Variants in LHFPL6 observed in about 807,000 individuals in gnomAD.
The protein encoded by LHFPL6 is LHFPL tetraspan subfamily member 6.
LHFPL6 carries 9 observed loss-of-function variants against 20.6 expected under a neutral mutation model. That is an observed-to-expected ratio of 0.44 (90% CI 0.26 to 0.76). LHFPL6 has a LOEUF of 0.76. Among genes scored for constraint, LHFPL6 ranks in the 30% least tolerant of loss-of-function variants. LHFPL6 has a pLI of 0.20. For synonymous variants in LHFPL6, 105 were observed against 98.7 expected, an observed-to-expected ratio of 1.06 and a Z score of -0.38; for missense variants, 218 against 253.5, an observed-to-expected ratio of 0.86 and a Z score of 0.95.
At chr13:39,460,798 G>A (rs756334117) in intron 2 of LHFPL6, among the ~76,000 whole-genome samples, 46 of 152,232 alleles carry the variant, frequency 3.0e-4, no homozygotes, top group Non-Finnish European at 5.4e-4. Context: ...AAAACAAGAC[G>A]TCCTTTCATC....
At chr13:39,553,068 C>G (rs1158067703) in intron 2 of LHFPL6, among the ~76,000 whole-genome samples, 1 of 151,980 alleles carries the variant, frequency 6.6e-6, no homozygotes, top group Non-Finnish European at 1.5e-5. Flanking sequence ...CATCAGGAAC[C>G]CTGCAAAGAG....
At chr13:39,518,102 G>A (rs1314810701) in intron 2 of LHFPL6, among the ~76,000 whole-genome samples, 1 of 152,044 alleles carries the variant, frequency 6.6e-6, no homozygotes, top group Admixed American at 6.6e-5. Context: ...CCCCTGCTTC[G>A]ATGGCTTCCC....
At chr13:39,484,864 T>C (rs1273443791) in intron 2 of LHFPL6, among the ~76,000 whole-genome samples, 2 of 152,148 alleles carry the variant, frequency 1.3e-5, no homozygotes, top group African/African-American at 4.8e-5. Flanking sequence ...CCCCAGAGAT[T>C]TGTGTAGGTG....
intron 2 of LHFPL6, among the ~76,000 whole-genome samples, chr13:39,419,498 A>C (rs2138394623): frequency 6.6e-6 from 1 of 152,240 alleles, no homozygotes; most frequent in East Asian, 1.9e-4. Context: ...CTTTATAACC[A>C]ATAAATGTCT....
intron 2 of LHFPL6, among the ~76,000 whole-genome samples, chr13:39,541,684 T>C (rs1353479381): frequency 6.6e-6 from 1 of 152,208 alleles, no homozygotes; most frequent in Admixed American, 6.5e-5. Context: ...ATGTGTCTAT[T>C]CCATCTCTGA....
At chr13:39,545,739 GCTAC>G (rs1307331618) in intron 2 of LHFPL6, among the ~76,000 whole-genome samples, 9 of 152,044 alleles carry the variant, frequency 5.9e-5, no homozygotes, top group Admixed American at 5.2e-4. Flanking sequence ...TAATGTAAAT[GCTAC>G]CTAAATAGTT....
At chr13:39,582,527 C>T (rs560438174) in intron 2 of LHFPL6, among the ~76,000 whole-genome samples, 3 of 152,298 alleles carry the variant, frequency 2.0e-5, no homozygotes, top group African/African-American at 7.2e-5. Context: ...AATGGGAAGG[C>T]ATTTCACAAT....
intron 2 of LHFPL6, among the ~76,000 whole-genome samples, chr13:39,463,404 A>C (rs1872730885): frequency 2.8e-5 from 4 of 144,604 alleles, no homozygotes; most frequent in Admixed American, 2.6e-4. Context: ...TTTTTATATA[A>C]TTATTAAAAA....
chr13:39,580,512 T>A (rs1375084803), intron 2 of LHFPL6, among the ~76,000 whole-genome samples: 2 of 152,116 alleles, frequency 1.3e-5, no homozygotes, highest in African/African-American at 4.8e-5. Context: ...AGAACCAAAG[T>A]CCTTTCTTTG....
At chr13:39,536,555 T>C (rs890146187) in intron 2 of LHFPL6, among the ~76,000 whole-genome samples, 1 of 152,150 alleles carries the variant, frequency 6.6e-6, no homozygotes, top group African/African-American at 2.4e-5. Context: ...GCTGAGATCT[T>C]TTCAGAACCA....
chr13:39,532,717 T>G (rs998798602), intron 2 of LHFPL6, among the ~76,000 whole-genome samples: 31 of 152,144 alleles, frequency 2.0e-4, no homozygotes, highest in African/African-American at 7.5e-4. Context: ...ATTGTAACCC[T>G]ATAATGCTGT....
intron 2 of LHFPL6, among the ~76,000 whole-genome samples, chr13:39,527,141 T>C (rs1425489740): frequency 6.6e-6 from 1 of 152,194 alleles, no homozygotes; most frequent in Admixed American, 6.5e-5. Flanking sequence ...CACTAGAAAT[T>C]TGCATTCTAG....
intron 2 of LHFPL6, among the ~76,000 whole-genome samples, chr13:39,542,446 A>T (rs1018527267): frequency 6.6e-6 from 1 of 152,196 alleles, no homozygotes; most frequent in African/African-American, 2.4e-5. Flanking sequence ...TACAATGACA[A>T]TATAAGCACA....
chr13:39,480,466 T>C (rs1429380612), intron 2 of LHFPL6, among the ~76,000 whole-genome samples: 1 of 152,184 alleles, frequency 6.6e-6, no homozygotes, highest in Non-Finnish European at 1.5e-5. Context: ...AGTTCTCTTC[T>C]GATATTGTAA....
chr13:39,556,515 T>C (rs1042090995), intron 2 of LHFPL6, among the ~76,000 whole-genome samples: 1 of 152,184 alleles, frequency 6.6e-6, no homozygotes, highest in Non-Finnish European at 1.5e-5. Context: ...CCTAGGGATG[T>C]GTGGAAGTTT....
chr13:39,490,655 A>G (rs1473420858), intron 2 of LHFPL6, among the ~76,000 whole-genome samples: 1 of 152,360 alleles, frequency 6.6e-6, no homozygotes, highest in South Asian at 2.1e-4. Flanking sequence ...TGCCACTATG[A>G]CATGTGAACT....
Position 39,400,707 on chromosome 13 carries a change from C to T in LHFPL6, c.386-22181G>A, listed in dbSNP as rs979039719. ...CTGAGGCAGGAGAATGGCGTGAACC[C>T]GGGAGGCGGAGCTTGCAGTGAGCCG... On this transcript the variant is annotated intron_variant, in intron 2 of 3. Transcript: ENST00000379589. Among the ~76,000 whole-genome samples the T allele has an allele frequency of 5.7e-5, 7 of 122,882 alleles. No individual in the cohort carries two copies. In the South Asian group the frequency reaches 8.7e-4, roughly 15 times the overall value. 80.6% of individuals were successfully genotyped at this position (122,882 alleles called of 152,430 possible).
chr13:39,343,687 G>A lies in LHFPL6; in HGVS notation c.*249C>T, dbSNP rs1354091929. On this transcript the variant is annotated 3_prime_UTR_variant, in exon 4 of 4. Coordinates refer to ENST00000379589, the MANE Select transcript of LHFPL6 (RefSeq NM_005780.3). Reference sequence around the variant, plus strand: ...AATACTCTGTGGAATAGAAACACCCGATGCCCTGCAATATTTTTAGCCTTT... The same window carrying A: ...AATACTCTGTGGAATAGAAACACCCAATGCCCTGCAATATTTTTAGCCTTT... The A allele has an allele frequency of 1.1e-5, 4 of 377,048 alleles. No homozygotes were observed. In the South Asian group the frequency reaches 1.3e-4, roughly 13 times the overall value. 23.4% of individuals were successfully genotyped at this position (377,048 alleles called of 1,614,324 possible). A position where few individuals can be genotyped will look rare whatever the true frequency, so the allele number is the denominator to read the frequency against.
intron 2 of LHFPL6, among the ~76,000 whole-genome samples, chr13:39,585,023 C>A (rs1282384182): frequency 6.6e-6 from 1 of 152,162 alleles, no homozygotes; most frequent in East Asian, 1.9e-4. Context: ...ATGACATAGT[C>A]CTGTAAGGAG....
Sources: allele counts gnomAD v4.1 joint callset (sites outside exome capture counted in the v4.1 genomes callset), GRCh38; gene constraint gnomAD v4.1.1; transcripts MANE v1.5; gene names NCBI Gene and HGNC (gene_info 2026-07-23, HGNC 2026-07-21).